PIGN: variants seen among roughly 807,000 people sequenced by gnomAD.
PIGN encodes phosphatidylinositol glycan anchor biosynthesis class N.
A neutral mutation model predicts 125.4 loss-of-function variants in PIGN; 117 were observed. That is an observed-to-expected ratio of 0.93 (90% CI 0.80 to 1.09). The LOEUF is 1.09. Ranked by LOEUF, PIGN falls within the 50% of genes least tolerant of loss-of-function variation. The pLI is 0.00. For missense variants in PIGN, 1,075 were observed against 1,094.9 expected, an observed-to-expected ratio of 0.98 and a Z score of 0.26; for synonymous variants, 392 against 377.8, an observed-to-expected ratio of 1.04 and a Z score of -0.44.
intron 22 of PIGN, among the ~76,000 whole-genome samples, chr18:62,099,986 G>C (rs2034371180): frequency 1.3e-5 from 2 of 152,146 alleles, no homozygotes; most frequent in Non-Finnish European, 2.9e-5. Flanking sequence ...AAGCTAAAAA[G>C]CTTCTGCATA....
intron 12 of PIGN, among the ~76,000 whole-genome samples, chr18:62,139,597 G>C (rs527837795): frequency 1.3e-5 from 2 of 152,180 alleles, no homozygotes; most frequent in African/African-American, 2.4e-5. Context: ...AGAGTGGCTG[G>C]TTGAAATAGT....
At chr18:62,036,331 C>T (rs890576365), downstream of PIGN, among the ~76,000 whole-genome samples, 11 of 151,792 alleles carry the variant, frequency 7.2e-5, no homozygotes, top group African/African-American at 2.7e-4. Flanking sequence ...CCTTGAACTC[C>T]TGGGCTTAAG....
In PIGN at chr18:62,074,934, T is replaced by C; in HGVS notation, c.2577-113A>G. The stretch of plus-strand genomic sequence containing the variant: ...ACCTAGTATTGTTGGTATTTTTGCT[T>C]CTGAAAATACAACTTTCAAAGGTTC... On this transcript the variant is annotated intron_variant, in intron 28 of 30. Coordinates refer to ENST00000640252, the MANE Select transcript of PIGN (RefSeq NM_176787.5). The C allele has an allele frequency of 4.4e-6, 3 of 687,336 alleles. No individual in the cohort carries two copies. The South Asian group carries it at 5.6e-5, about 13-fold the overall frequency. The allele number at this position is 687,336 out of a possible 1,614,324, so 42.6% of individuals were successfully genotyped here. A position where few individuals can be genotyped will look rare whatever the true frequency, so the allele number is the denominator to read the frequency against.
chr18:62,031,124 G>C (rs770414005), intron 23 of PIGN, among the ~76,000 whole-genome samples: 1 of 152,170 alleles, frequency 6.6e-6, no homozygotes, highest in Non-Finnish European at 1.5e-5. Flanking sequence ...TCATGGGAGT[G>C]GTTTCCCCCA....
chr18:62,173,862 G>T (rs978367035), intron 1 of PIGN, among the ~76,000 whole-genome samples: 9 of 152,104 alleles, frequency 5.9e-5, no homozygotes, highest in Admixed American at 1.3e-4. Context: ...TGGAACACAA[G>T]GAAGAGCAAC....
intron 8 of PIGN, 41 bp downstream of exon 8, chr18:62,148,173 T>C (rs1350037673): frequency 6.8e-7 from 1 of 1,462,556 alleles, no homozygotes; most frequent in Non-Finnish European, 9.1e-7. Context: ...ATAGAATAGC[T>C]GTTGCCCTAA....
At chr18:62,129,857 A>T (rs975968362) in intron 14 of PIGN, among the ~76,000 whole-genome samples, 3 of 152,138 alleles carry the variant, frequency 2.0e-5, no homozygotes, top group African/African-American at 7.2e-5. Context: ...AAAGGTCCTA[A>T]CCCCTGGTAT....
At chr18:62,120,765 A>C (rs1443629540) in intron 14 of PIGN, among the ~76,000 whole-genome samples, 2 of 152,060 alleles carry the variant, frequency 1.3e-5, no homozygotes, top group Non-Finnish European at 2.9e-5. Context: ...AAAATACTTA[A>C]TTAATCCTAC....
At chr18:62,156,130 A>G (rs865941997) in intron 6 of PIGN, among the ~76,000 whole-genome samples, 1 of 152,208 alleles carries the variant, frequency 6.6e-6, no homozygotes, top group South Asian at 2.1e-4. Flanking sequence ...ATTTTAGAAA[A>G]TAATATAAAT....
chr18:62,087,432 C>T (rs989765158), intron 25 of PIGN, among the ~76,000 whole-genome samples: 10 of 152,142 alleles, frequency 6.6e-5, no homozygotes, highest in Admixed American at 3.9e-4. Flanking sequence ...AGCACTGCTA[C>T]GTGCCAGGCA....
intron 23 of PIGN, among the ~76,000 whole-genome samples, chr18:62,033,172 A>G (rs2030214561): frequency 6.6e-6 from 1 of 152,232 alleles, no homozygotes; most frequent in Admixed American, 6.5e-5. Flanking sequence ...GGCCACCTTC[A>G]GCTTCTATAG....
downstream of PIGN, among the ~76,000 whole-genome samples, chr18:62,039,330 A>C (rs1164061503): frequency 6.6e-6 from 1 of 152,096 alleles, no homozygotes; most frequent in African/African-American, 2.4e-5. Context: ...CTAATTACTA[A>C]AAACTACTAA....
Position 62,043,149 on chromosome 18 carries a change from G to C in PIGN, c.*2707C>G, listed in dbSNP as rs2030446105. The C allele has an allele frequency of 6.6e-6, 1 of 152,050 alleles. No individual in the cohort carries two copies. Among genetic ancestry groups the C allele is most frequent in the Non-Finnish European group, 1.5e-5 (1 of 68,012 alleles). The allele number at this position is 152,050 out of a possible 1,614,324, so 9.4% of individuals were successfully genotyped here. A position where few individuals can be genotyped will look rare whatever the true frequency, so the allele number is the denominator to read the frequency against. ...AGGAGTTCTCAGAACTGGTCTGAAG[G>C]GGGTCTTCTCCAAATGACAGAGTTG... is the stretch of plus-strand genomic sequence containing the variant. On this transcript the variant is annotated 3_prime_UTR_variant, in exon 31 of 31. Coordinates refer to ENST00000640252, the MANE Select transcript of PIGN (RefSeq NM_176787.5).
chr18:62,074,910 C>G, intron 28 of PIGN, 89 bp from the exon 29 acceptor site: 1 of 826,442 alleles, frequency 1.2e-6, no homozygotes, highest in Non-Finnish European at 2.0e-6. Flanking sequence ...AGGCAAATAA[C>G]CTAGTATTGT....
chr18:62,090,604 G>T, intron 23 of PIGN, 26 bp from the exon 24 acceptor site: 1 of 1,384,176 alleles, frequency 7.2e-7, no homozygotes, highest in South Asian at 1.3e-5. Flanking sequence ...AGGTAGAAAT[G>T]AAAAGAAAAA....
intron 17 of PIGN, among the ~76,000 whole-genome samples, chr18:62,107,869 A>C (rs2034713818): frequency 6.6e-6 from 1 of 152,176 alleles, no homozygotes; most frequent in African/African-American, 2.4e-5. Flanking sequence ...ACTGAGCTAA[A>C]TAACCTTTTC....
At chr18:62,133,581 C>G (rs2035817757) in intron 14 of PIGN, among the ~76,000 whole-genome samples, 1 of 152,090 alleles carries the variant, frequency 6.6e-6, no homozygotes, top group African/African-American at 2.4e-5. Flanking sequence ...GACATTTTTA[C>G]AGTATTGAAC....
Position 62,055,489 on chromosome 18 carries a change from G to A in PIGN, c.2673-9510C>T, listed in dbSNP as rs77170323. Among the ~76,000 whole-genome samples, 12 of 152,258 alleles carry A rather than the reference G, an allele frequency of 7.9e-5. No homozygotes were observed. The East Asian group carries it at 2.3e-3, about 29-fold the overall frequency. ...ATTAAATGTTGCCAGGGGTTAAGGAGGGTTTCTGGGTGGGAGGGAAGTGCC... is the reference window on the plus strand; with the variant it reads ...ATTAAATGTTGCCAGGGGTTAAGGAAGGTTTCTGGGTGGGAGGGAAGTGCC... On this transcript the variant is annotated intron_variant, in intron 30 of 30. Coordinates refer to ENST00000640252, the MANE Select transcript of PIGN (RefSeq NM_176787.5).
At chr18:62,088,964 T>G (rs900691011) in intron 24 of PIGN, 122 bp from the exon 25 acceptor site, 1 of 582,260 alleles carries the variant, frequency 1.7e-6, no homozygotes, top group African/African-American at 1.9e-5. Flanking sequence ...GACAAAAAAA[T>G]AAACAATAAA....
Sources: allele counts gnomAD v4.1 joint callset (sites outside exome capture counted in the v4.1 genomes callset), GRCh38; gene constraint gnomAD v4.1.1; transcripts MANE v1.5; gene names NCBI Gene and HGNC (gene_info 2026-07-23, HGNC 2026-07-21).